Variants in SYNDIG1 observed in about 807,000 individuals in gnomAD.
The protein encoded by SYNDIG1 is synapse differentiation inducing 1, also known as synapse differentiation-inducing gene protein 1.
A neutral mutation model predicts 19.4 loss-of-function variants in SYNDIG1; 9 were observed. That is an observed-to-expected ratio of 0.46 (90% CI 0.28 to 0.81). The LOEUF (loss-of-function observed/expected upper bound fraction) is 0.81, where lower values mean the gene tolerates loss of function less well. Among genes scored for constraint, SYNDIG1 ranks in the 30% least tolerant of loss-of-function variants. The probability of loss-of-function intolerance (pLI) is 0.12; values close to 1 mark genes in which losing one functional copy is unlikely to be tolerated. For synonymous variants in SYNDIG1, 141 were observed against 145.9 expected (o/e 0.97, Z 0.24); for missense variants, 311 against 343.3 (o/e 0.91, Z 0.74).
At chr20:24,530,259 T>G (rs528580486) in intron 1 of SYNDIG1, among the ~76,000 whole-genome samples, 1 of 152,274 alleles carries the variant, frequency 6.6e-6, no homozygotes, top group Admixed American at 6.5e-5. Flanking sequence ...TAAATCAGAT[T>G]TGGAGTTCCT....
At chr20:24,493,456 TAC>T (rs966728401) in intron 1 of SYNDIG1, among the ~76,000 whole-genome samples, 37 of 151,938 alleles carry the variant, frequency 2.4e-4, no homozygotes, top group Non-Finnish European at 5.1e-4. Context: ...CATACACAGG[TAC>T]ACACACATAC....
chr20:24,511,038 A>G (rs1207116182), intron 1 of SYNDIG1, among the ~76,000 whole-genome samples: 2 of 152,110 alleles, frequency 1.3e-5, no homozygotes, highest in African/African-American at 4.8e-5. Flanking sequence ...TGTCTCTTTT[A>G]ATAATGTATT....
intron 3 of SYNDIG1, among the ~76,000 whole-genome samples, chr20:24,629,496 G>C (rs981803643): frequency 6.6e-6 from 1 of 152,094 alleles, no homozygotes; most frequent in Admixed American, 6.6e-5. Context: ...GGAGGCAGAG[G>C]AGGAGGAAGG....
intron 3 of SYNDIG1, among the ~76,000 whole-genome samples, chr20:24,627,792 G>A (rs770048700): frequency 6.6e-6 from 1 of 152,340 alleles, no homozygotes; most frequent in African/African-American, 2.4e-5. Flanking sequence ...AACAAGGTTG[G>A]GGGAACCCTA....
At chr20:24,469,997 G>A (rs892681919) in intron 1 of SYNDIG1, among the ~76,000 whole-genome samples, 6 of 152,192 alleles carry the variant, frequency 3.9e-5, no homozygotes, top group Non-Finnish European at 8.8e-5. Flanking sequence ...GAGCTGAGCC[G>A]GCAGAGAAAA....
intron 1 of SYNDIG1, among the ~76,000 whole-genome samples, chr20:24,503,652 C>G (rs887809547): frequency 6.6e-6 from 1 of 151,744 alleles, no homozygotes. Context: ...CTGCTCTTAT[C>G]TGCAGAACTC....
At chr20:24,620,282 G>C (rs1374538423) in intron 3 of SYNDIG1, among the ~76,000 whole-genome samples, 1 of 152,184 alleles carries the variant, frequency 6.6e-6, no homozygotes, top group Non-Finnish European at 1.5e-5. Context: ...TCAAGAAGCA[G>C]CATGAGGATG....
At chr20:24,633,110 A>G (rs1315940633) in intron 3 of SYNDIG1, among the ~76,000 whole-genome samples, 1 of 152,132 alleles carries the variant, frequency 6.6e-6, no homozygotes, top group East Asian at 1.9e-4. Context: ...GAATCTGAAC[A>G]TGACGTGGCT....
intron 1 of SYNDIG1, among the ~76,000 whole-genome samples, chr20:24,508,982 C>G (rs1220489292): frequency 6.6e-6 from 1 of 152,204 alleles, no homozygotes; most frequent in African/African-American, 2.4e-5. Flanking sequence ...AAGAAAGTAA[C>G]ATGGAGTCAA....
At chr20:24,517,616 G>T (rs2056904411) in intron 1 of SYNDIG1, among the ~76,000 whole-genome samples, 1 of 132,304 alleles carries the variant, frequency 7.6e-6, no homozygotes, top group African/African-American at 2.9e-5. Flanking sequence ...GAGACTCTGT[G>T]TCAAAAAAAA....
intron 2 of SYNDIG1, among the ~76,000 whole-genome samples, chr20:24,562,862 C>T (rs17250054): frequency 0.013 from 2,014 of 152,236 alleles, 14 homozygotes; most frequent in Non-Finnish European, 0.023. Context: ...AAGGCTATAA[C>T]TATTATAATG....
chr20:24,556,979 A>T (rs2057834279), intron 2 of SYNDIG1, among the ~76,000 whole-genome samples: 1 of 152,076 alleles, frequency 6.6e-6, no homozygotes, highest in East Asian at 1.9e-4. Context: ...ACATAGTCCC[A>T]TATTTCTTGG....
At chr20:24,587,805 C>T (rs550457048) in intron 3 of SYNDIG1, among the ~76,000 whole-genome samples, 1 of 152,296 alleles carries the variant, frequency 6.6e-6, no homozygotes, top group South Asian at 2.1e-4. Flanking sequence ...GCCCTCAGTG[C>T]CATTCACAAG....
chr20:24,545,039 T>G (rs940929859), intron 2 of SYNDIG1, among the ~76,000 whole-genome samples: 1 of 151,908 alleles, frequency 6.6e-6, no homozygotes, highest in Non-Finnish European at 1.5e-5. Flanking sequence ...ACCCCACACT[T>G]GATAGAAAGG....
chr20:24,473,979 G>C (rs1385322911), intron 1 of SYNDIG1, among the ~76,000 whole-genome samples: 1 of 152,194 alleles, frequency 6.6e-6, no homozygotes, highest in Non-Finnish European at 1.5e-5. Context: ...CCTGCCATCA[G>C]CAAGAGTGAG....
intron 3 of SYNDIG1, among the ~76,000 whole-genome samples, chr20:24,661,384 GAGGA>G (rs2059587384): frequency 1.4e-5 from 2 of 140,598 alleles, no homozygotes; most frequent in Non-Finnish European, 1.5e-5. Flanking sequence ...AAGAGGGAGG[GAGGA>G]AAGAGGGAGG....
chr20:24,620,248 C>T (rs1361156352), intron 3 of SYNDIG1, among the ~76,000 whole-genome samples: 1 of 152,188 alleles, frequency 6.6e-6, no homozygotes, highest in African/African-American at 2.4e-5. Context: ...TTTCATTATG[C>T]TCATGATTTC....
chr20:24,591,079 CGTGTGTGT>C (rs55725848), intron 3 of SYNDIG1, among the ~76,000 whole-genome samples: 30,001 of 149,096 alleles, frequency 0.2, 3,033 homozygotes, highest in East Asian at 0.34. Flanking sequence ...TTTACACCTT[CGTGTGTGT>C]GTGTGTGTGT....
At chr20:24,605,154 G>A (rs977567206) in intron 3 of SYNDIG1, among the ~76,000 whole-genome samples, 11 of 152,106 alleles carry the variant, frequency 7.2e-5, no homozygotes, top group African/African-American at 2.2e-4. Context: ...ATGGAGCCAC[G>A]CAGAAAGAAA....
Sources: gnomAD v4.1 joint callset for allele counts (sites outside exome capture counted in the v4.1 genomes callset) on GRCh38, gnomAD v4.1.1 for gene constraint, MANE v1.5 for transcripts, NCBI Gene and HGNC (gene_info 2026-07-23, HGNC 2026-07-21) for gene names.